Variants in FAM174A observed in about 807,000 individuals in gnomAD.
FAM174A encodes membrane protein FAM174A.
A neutral mutation model predicts 14.3 loss-of-function variants in FAM174A; 14 were observed. The ratio of observed to expected loss-of-function variants is 0.98; its 90% CI spans 0.65 to 1.53. The LOEUF is 1.53. Ranked by LOEUF, FAM174A falls within the 40% of genes most tolerant of loss-of-function variation. The probability of loss-of-function intolerance (pLI) is 0.00; values close to 1 mark genes in which losing one functional copy is unlikely to be tolerated. For synonymous variants in FAM174A, 108 were observed against 111.4 expected (o/e 0.97, Z 0.19); for missense variants, 241 against 249.6 (o/e 0.97, Z 0.23).
chr5:100,549,684 T>C (rs147719993), intron 1 of FAM174A, among the ~76,000 whole-genome samples: 5 of 152,120 alleles, frequency 3.3e-5, no homozygotes, highest in African/African-American at 1.2e-4. Context: ...TATACCTCGT[T>C]GAAGGAACTT....
intron 1 of FAM174A, among the ~76,000 whole-genome samples, chr5:100,556,227 G>A (rs1746377618): frequency 1.3e-5 from 2 of 152,112 alleles, no homozygotes; most frequent in Admixed American, 6.5e-5. Context: ...GTTTTTGTCA[G>A]GTTTGTCAAA....
At chr5:100,547,916 C>T (rs569329753) in intron 1 of FAM174A, among the ~76,000 whole-genome samples, 2 of 151,984 alleles carry the variant, frequency 1.3e-5, no homozygotes, top group South Asian at 2.1e-4. Context: ...TTAAGAATTC[C>T]ATATTTTTCC....
At chr5:100,562,278 C>T in intron 2 of FAM174A, 90 bp downstream of exon 2, 2 of 1,192,364 alleles carry the variant, frequency 1.7e-6, no homozygotes, top group South Asian at 1.5e-5. Context: ...CATTTAACAG[C>T]TTATATTCCA....
chr5:100,573,126 G>C (rs548793343), intron 2 of FAM174A, among the ~76,000 whole-genome samples: 153 of 152,108 alleles, frequency 1.0e-3, no homozygotes, highest in African/African-American at 3.5e-3. Context: ...AAATTTGTTT[G>C]AGTTCATTGT....
chr5:100,551,390 A>G (rs1165227902), intron 1 of FAM174A, among the ~76,000 whole-genome samples: 2 of 152,124 alleles, frequency 1.3e-5, no homozygotes. Context: ...CCTGACTAAC[A>G]GGGAACTCCG....
At chr5:100,550,967 A>G (rs1456006135) in intron 1 of FAM174A, among the ~76,000 whole-genome samples, 1 of 152,110 alleles carries the variant, frequency 6.6e-6, no homozygotes, top group African/African-American at 2.4e-5. Flanking sequence ...TCCTGTGCTC[A>G]TCTTTGTAGG....
chr5:100,546,600 T>C (rs777239946), intron 1 of FAM174A, among the ~76,000 whole-genome samples: 54 of 152,214 alleles, frequency 3.5e-4, no homozygotes, highest in Admixed American at 8.5e-4. Context: ...TGAATTTGCA[T>C]CTTACCAAAT....
chr5:100,574,975 G>C (rs1746871680), intron 2 of FAM174A, among the ~76,000 whole-genome samples: 1 of 152,060 alleles, frequency 6.6e-6, no homozygotes, highest in Admixed American at 6.6e-5. Flanking sequence ...AGTTCCTATT[G>C]TTCTCATTTG....
intron 1 of FAM174A, among the ~76,000 whole-genome samples, chr5:100,555,080 A>C (rs1434518034): frequency 4.2e-5 from 6 of 142,452 alleles, no homozygotes; most frequent in East Asian, 2.0e-4. Context: ...CCTCCCCCCT[A>C]CCCCCACCCC....
At chr5:100,550,859 C>G (rs781455652) in intron 1 of FAM174A, among the ~76,000 whole-genome samples, 3 of 152,102 alleles carry the variant, frequency 2.0e-5, no homozygotes, top group Non-Finnish European at 2.9e-5. Context: ...GCATGGCCAT[C>G]ATGAGGAACT....
chr5:100,539,782 T>C (rs1746014183), intron 1 of FAM174A, among the ~76,000 whole-genome samples: 1 of 152,232 alleles, frequency 6.6e-6, no homozygotes, highest in South Asian at 2.1e-4. Flanking sequence ...AAAGCGATAT[T>C]GCACATAAAG....
At chr5:100,549,413 T>G (rs974073957) in intron 1 of FAM174A, among the ~76,000 whole-genome samples, 1 of 152,144 alleles carries the variant, frequency 6.6e-6, no homozygotes, top group Non-Finnish European at 1.5e-5. Flanking sequence ...ATGGAATACT[T>G]CAAAGCCAAA....
intron 2 of FAM174A, among the ~76,000 whole-genome samples, chr5:100,576,937 G>A (rs1417705916): frequency 1.3e-5 from 2 of 152,132 alleles, no homozygotes; most frequent in Admixed American, 6.6e-5. Flanking sequence ...CTGATGAGGA[G>A]TCAGAGGCCG....
chr5:100,581,521 G>GT, intron 2 of FAM174A: 1 of 275,534 alleles, frequency 3.6e-6, no homozygotes, highest in Non-Finnish European at 5.5e-6. Flanking sequence ...GGGAGGCCAA[G>GT]GTGGGCGGAT....
intron 2 of FAM174A, among the ~76,000 whole-genome samples, chr5:100,585,679 G>A (rs1289807990): frequency 6.6e-6 from 1 of 152,156 alleles, no homozygotes; most frequent in Admixed American, 6.5e-5. Context: ...CTCCCAAAGT[G>A]CTGGGATTAC....
intron 2 of FAM174A, among the ~76,000 whole-genome samples, chr5:100,584,655 C>T (rs922344970): frequency 3.9e-5 from 6 of 152,114 alleles, no homozygotes; most frequent in African/African-American, 1.2e-4. Flanking sequence ...TTTCTTACAG[C>T]AATCATGCAA....
intron 1 of FAM174A, among the ~76,000 whole-genome samples, chr5:100,537,317 G>A (rs1203584220): frequency 6.6e-6 from 1 of 151,974 alleles, no homozygotes; most frequent in Non-Finnish European, 1.5e-5. Flanking sequence ...AGATATTAAA[G>A]GGAATTGGAA....
intron 2 of FAM174A, among the ~76,000 whole-genome samples, chr5:100,570,292 T>C (rs537489400): frequency 7.9e-5 from 12 of 152,084 alleles, no homozygotes; most frequent in African/African-American, 2.6e-4. Flanking sequence ...ATACCATTAC[T>C]TTATTTGAAG....
chr5:100,567,256 C>T (rs1746674103), intron 2 of FAM174A, among the ~76,000 whole-genome samples: 1 of 151,684 alleles, frequency 6.6e-6, no homozygotes, highest in African/African-American at 2.4e-5. Context: ...AGGAACAGCA[C>T]ATTACTATTT....
Sources: gnomAD v4.1 joint callset for allele counts (sites outside exome capture counted in the v4.1 genomes callset) on GRCh38, gnomAD v4.1.1 for gene constraint, MANE v1.5 for transcripts, NCBI Gene and HGNC (gene_info 2026-07-23, HGNC 2026-07-21) for gene names.